PCDHGA10: variants seen among roughly 807,000 people sequenced by gnomAD.
PCDHGA10 encodes the protein protocadherin gamma subfamily A, 10, also known as protocadherin gamma-A10.
PCDHGA10 carries 42 observed loss-of-function variants against 59.5 expected under a neutral mutation model. The ratio of observed to expected loss-of-function variants is 0.71; its 90% CI spans 0.55 to 0.91. The LOEUF (loss-of-function observed/expected upper bound fraction) is 0.91. Among genes scored for constraint, PCDHGA10 ranks in the 40% least tolerant of loss-of-function variants. The probability of loss-of-function intolerance (pLI) is 0.00; values close to 1 mark genes in which losing one functional copy is unlikely to be tolerated. For synonymous variants in PCDHGA10, 511 were observed against 517.2 expected (o/e 0.99, Z 0.16); for missense variants, 1,111 against 1,198.2 (o/e 0.93, Z 1.07).
intron 1 of PCDHGA10, among the ~76,000 whole-genome samples, chr5:141,448,344 A>G (rs2098583423): frequency 6.6e-6 from 1 of 152,080 alleles, no homozygotes; most frequent in Admixed American, 6.6e-5. Flanking sequence ...CATGTACCTC[A>G]ATCTTAGTAG....
At chr5:141,450,006 C>CTTTTTTT (rs1554136305) in intron 1 of PCDHGA10, among the ~76,000 whole-genome samples, 1 of 132,982 alleles carries the variant, frequency 7.5e-6, no homozygotes, top group Admixed American at 7.8e-5. Context: ...TGCCATGTCT[C>CTTTTTTT]TTTTTTTTTT....
At chr5:141,440,558 T>C (rs546919141) in intron 1 of PCDHGA10, 1 of 152,350 alleles carries the variant, frequency 6.6e-6, no homozygotes, top group East Asian at 1.9e-4. Context: ...TGTTATTAAG[T>C]TACGTATCTC....
intron 1 of PCDHGA10, chr5:141,478,942 C>G: frequency 1.7e-6 from 1 of 579,218 alleles, no homozygotes; most frequent in Non-Finnish European, 2.9e-6. Context: ...TCTAGGAATA[C>G]AAAAACTACC....
chr5:141,433,067 T>C, intron 1 of PCDHGA10: 3 of 1,614,144 alleles, frequency 1.9e-6, no homozygotes, highest in Non-Finnish European at 2.5e-6. Context: ...TCACCTGATC[T>C]TCCCCCAGCC....
intron 1 of PCDHGA10, among the ~76,000 whole-genome samples, chr5:141,455,489 A>T (rs925133619): frequency 3.9e-5 from 6 of 152,152 alleles, no homozygotes; most frequent in African/African-American, 4.8e-5. Context: ...GGTGGAGGTG[A>T]TGTCTGATTT....
At chr5:141,436,294 G>A (rs1205368824) in intron 1 of PCDHGA10, among the ~76,000 whole-genome samples, 1 of 152,142 alleles carries the variant, frequency 6.6e-6, no homozygotes, top group Non-Finnish European at 1.5e-5. Context: ...AAATCATTGA[G>A]AGTTAGAGCA....
Position 141,491,382 on chromosome 5 carries a change from G to T in PCDHGA10, c.2437-3425G>T, listed in dbSNP as rs918558. 0.21 allele frequency: 331,798 copies of T among 1,613,774 alleles called. 36,318 individuals are homozygous for T. The highest frequency in any genetic ancestry group is 0.37 in the Admixed American group (22,359 of 60,012). ...TAGTCACCTTCACCTTTCTGTCAGC[G>T]AAGTGCCTTCAGGGAAACGCAGACG... is the stretch of plus-strand genomic sequence containing the variant. On this transcript the variant is annotated intron_variant, in intron 1 of 3. Transcript: ENST00000398610. This position sits in a 1 kb window ranked among gnomAD's most constrained non-coding sequence, Gnocchi z 6.9.
At chr5:141,428,098 A>G in intron 1 of PCDHGA10, 1 of 1,608,664 alleles carries the variant, frequency 6.2e-7, no homozygotes, top group Non-Finnish European at 8.5e-7. Flanking sequence ...CTGTCCTACC[A>G]CGTGCTGCAG....
rs966009387 is a variant in PCDHGA10, at chr5:141,511,564, G to A, written c.*391G>A. The A allele has an allele frequency of 3.0e-5, 9 of 295,900 alleles. No individual in the cohort carries two copies. The highest frequency in any genetic ancestry group is 4.6e-5 in the Non-Finnish European group (7 of 151,798). The allele number at this position is 295,900 out of a possible 1,614,324, so 18.3% of individuals were successfully genotyped here. A position where few individuals can be genotyped will look rare whatever the true frequency, so the allele number is the denominator to read the frequency against. ...CCCACTCCAACAGTTCCTCTTTCCC[G>A]AGTAAGGTGGTTGGGGTGTTGAAGT... On this transcript the variant is annotated 3_prime_UTR_variant, in exon 4 of 4. Transcript: ENST00000398610.
chr5:141,488,552 A>C (rs993681273), intron 1 of PCDHGA10, among the ~76,000 whole-genome samples: 1 of 152,194 alleles, frequency 6.6e-6, no homozygotes, highest in African/African-American at 2.4e-5. Context: ...GTCAGCTGAC[A>C]TTGAGATTTC....
intron 1 of PCDHGA10, among the ~76,000 whole-genome samples, chr5:141,448,796 T>G (rs1268643310): frequency 1.0e-4 from 15 of 150,106 alleles, no homozygotes; most frequent in Admixed American, 4.0e-4. Context: ...AAAAAAAAAA[T>G]TAGCCAGGCG....
rs1272694679 is a variant in PCDHGA10, at chr5:141,486,884, C to T, written c.2437-7923C>T. 7 of 1,614,106 alleles carry T rather than the reference C, an allele frequency of 4.3e-6. No individual in the cohort carries two copies. The highest frequency in any genetic ancestry group is 1.1e-5 in the South Asian group (1 of 91,082). ...TCCAGCTGTGCTCCGTCCTCGGGCC[C>T]GGCCTGGTTCCTTATGTCCCCAAGC... On this transcript the variant is annotated intron_variant, in intron 1 of 3. Coordinates refer to ENST00000398610, the MANE Select transcript of PCDHGA10 (RefSeq NM_018913.3). The surrounding 1 kb of genome is among the most constrained non-coding windows in gnomAD (Gnocchi z 5.0).
chr5:141,454,894 G>A (rs1371368633), intron 1 of PCDHGA10, among the ~76,000 whole-genome samples: 2 of 126,736 alleles, frequency 1.6e-5, no homozygotes, highest in Non-Finnish European at 3.1e-5. Context: ...TGCTAGCACC[G>A]CCTCCCGGGT....
chr5:141,499,174 C>T (rs930279867), intron 2 of PCDHGA10, among the ~76,000 whole-genome samples: 20 of 152,198 alleles, frequency 1.3e-4, no homozygotes, highest in Middle Eastern at 3.4e-3. Flanking sequence ...AGCTCTGAGC[C>T]CAGCAAACCA....
intron 1 of PCDHGA10, chr5:141,427,962 G>C (rs767684725): frequency 5.0e-6 from 8 of 1,589,982 alleles, no homozygotes; most frequent in Non-Finnish European, 6.9e-6. Flanking sequence ...TGTGCCGCGG[G>C]TGCTGTACCC....
At chr5:141,464,676 T>A (rs1337677151) in intron 1 of PCDHGA10, among the ~76,000 whole-genome samples, 1 of 152,176 alleles carries the variant, frequency 6.6e-6, no homozygotes. Flanking sequence ...ATAATTTTAA[T>A]TAAAATTTCT....
Position 141,491,733 on chromosome 5 carries a change from TG to T in PCDHGA10, c.2437-3069del. 6.2e-7 allele frequency: 1 copy of T among 1,602,698 alleles called. No individual in the cohort carries two copies. Among genetic ancestry groups the T allele is most frequent in the Non-Finnish European group, 8.5e-7 (1 of 1,175,258 alleles). On this transcript the variant is annotated intron_variant, in intron 1 of 3. Coordinates refer to ENST00000398610, the MANE Select transcript of PCDHGA10 (RefSeq NM_018913.3). This position sits in a 1 kb window ranked among gnomAD's most constrained non-coding sequence, Gnocchi z 6.9. ...GCTCGGCGCCGCCCCGGGCGACCCC[TG>T]GGGGCGGCACTGGAGAAGCCGCCCG...
chr5:141,419,877 C>G (rs1272137716), intron 1 of PCDHGA10: 24 of 1,614,062 alleles, frequency 1.5e-5, no homozygotes, highest in Non-Finnish European at 1.9e-5. Flanking sequence ...GAGGTACTGC[C>G]GGATTTCAGC....
intron 1 of PCDHGA10, chr5:141,420,319 G>A (rs1393746531): frequency 7.0e-7 from 1 of 1,437,540 alleles, no homozygotes; most frequent in Non-Finnish European, 9.4e-7. Flanking sequence ...ATTACAATAT[G>A]CCAATATATT....
Sources: allele counts gnomAD v4.1 joint callset (sites outside exome capture counted in the v4.1 genomes callset), GRCh38; gene constraint gnomAD v4.1.1; non-coding constraint Gnocchi (gnomAD v3.1); transcripts MANE v1.5; gene names NCBI Gene and HGNC (gene_info 2026-07-23, HGNC 2026-07-21).